The following TTC9 variants were observed in gnomAD, a reference collection of about 807,000 sequenced individuals.
TTC9 encodes the protein tetratricopeptide repeat domain 9, also known as tetratricopeptide repeat protein 9A.
In TTC9, 13 loss-of-function variants were observed where a neutral mutation model predicts 22.9. The ratio of observed to expected loss-of-function variants is 0.57; its 90% confidence interval spans 0.37 to 0.90. The LOEUF is 0.90. Among genes scored for constraint, TTC9 ranks in the 40% least tolerant of loss-of-function variants. The probability of loss-of-function intolerance (pLI) is 0.01; values close to 1 mark genes in which losing one functional copy is unlikely to be tolerated. For missense variants in TTC9, 280 were observed against 291.8 expected (o/e 0.96, Z 0.29); for synonymous variants, 148 against 133.2 (o/e 1.11, Z -0.77).
At chr14:70,665,349 C>G (rs1886199967) in intron 1 of TTC9, among the ~76,000 whole-genome samples, 1 of 152,142 alleles carries the variant, frequency 6.6e-6, no homozygotes. Context: ...TTTACAGAAA[C>G]CCCTCTCTCT....
chr14:70,644,587 G>A (rs1885876804), intron 1 of TTC9, among the ~76,000 whole-genome samples: 1 of 152,070 alleles, frequency 6.6e-6, no homozygotes, highest in Admixed American at 6.6e-5. Context: ...CATCCTCTGG[G>A]CCTCTGTCTC....
At chr14:70,666,611 T>C (rs1156685284) in intron 1 of TTC9, among the ~76,000 whole-genome samples, 1 of 152,160 alleles carries the variant, frequency 6.6e-6, no homozygotes, top group Non-Finnish European at 1.5e-5. Flanking sequence ...AACAACTAGA[T>C]TAGGAAGGAC....
At position 70,642,446 on chromosome 14, in the gene TTC9, C is replaced by T. The variant is rs769909175; in HGVS notation, c.317C>T (p.Pro106Leu). The T allele has an allele frequency of 2.6e-6, 4 of 1,560,428 alleles. No individual in the cohort carries two copies. Among genetic ancestry groups the T allele is most frequent in the Non-Finnish European group, 2.6e-6 (3 of 1,154,156 alleles). ...ERERDSRPAS[P>L]AGALKPGRLS... ...GAGCGGGACTCGCGCCCGGCCTCCC[C>T]GGCTGGGGCCCTGAAGCCCGGCCGC... The change falls in exon 1 of 3, where the codon CCG (proline) becomes CTG (leucine). Residue 106 changes from proline (P) to leucine (L), a missense_variant. This residue lies in a region of TTC9 where 165 missense variants were observed against 145.4 expected (regional missense o/e 1.14). Transcript: ENST00000256367.
At chr14:70,652,402 G>A (rs1415475457) in intron 1 of TTC9, among the ~76,000 whole-genome samples, 1 of 152,164 alleles carries the variant, frequency 6.6e-6, no homozygotes, top group Non-Finnish European at 1.5e-5. Flanking sequence ...AGGAATTGAA[G>A]CCTATGTAAA....
intron 1 of TTC9, among the ~76,000 whole-genome samples, chr14:70,646,066 G>A (rs970379071): frequency 2.6e-5 from 4 of 152,222 alleles, no homozygotes; most frequent in Non-Finnish European, 5.9e-5. Flanking sequence ...GATGACTTGA[G>A]GGGACGCATG....
intron 1 of TTC9, among the ~76,000 whole-genome samples, chr14:70,662,413 CAAAAA>C (rs57369399): frequency 2.4e-5 from 3 of 123,232 alleles, no homozygotes; most frequent in Non-Finnish European, 1.8e-5. Flanking sequence ...ATCTCTATGC[CAAAAA>C]AAAAAAAAAA....
chr14:70,671,553 C>T lies in TTC9; in HGVS notation c.*398C>T. The T allele has an allele frequency of 5.1e-6, 1 of 196,916 alleles. No homozygotes were observed. The allele number at this position is 196,916 out of a possible 1,614,324, so 12.2% of individuals were successfully genotyped here. On this transcript the variant is annotated 3_prime_UTR_variant, in exon 3 of 3. Coordinates refer to ENST00000256367, the MANE Select transcript of TTC9 (RefSeq NM_015351.2). ...CACACAGCCCATGGGCTGGATCCTT[C>T]CACACTTTCCTGACAGACCAGAACC...
intron 2 of TTC9, among the ~76,000 whole-genome samples, chr14:70,668,654 C>T (rs1194392380): frequency 6.7e-6 from 1 of 150,046 alleles, no homozygotes; most frequent in African/African-American, 2.5e-5. Context: ...AGTTCAAGAC[C>T]AGTCTGAGCA....
rs913721429 is a variant in TTC9 at position 70,667,752 on chromosome 14, G to A, written c.589+6G>A. 2.2e-5 allele frequency: 34 copies of A among 1,578,770 alleles called. No homozygotes were observed. Among genetic ancestry groups the A allele is most frequent in the Non-Finnish European group, 2.8e-5 (32 of 1,160,492 alleles). On this transcript the variant is annotated splice_donor_region_variant and intron_variant, in intron 2 of 2. Transcript: ENST00000256367. ...AAGGACCCAACAACCAACAGGTAAGGCGGAAATAGCTGTTTTCTTACTTCC... is the reference window on the plus strand; with the variant it reads ...AAGGACCCAACAACCAACAGGTAAGACGGAAATAGCTGTTTTCTTACTTCC...
intron 1 of TTC9, among the ~76,000 whole-genome samples, chr14:70,659,019 A>G (rs1222633839): frequency 6.6e-6 from 1 of 152,200 alleles, no homozygotes; most frequent in African/African-American, 2.4e-5. Context: ...AATTTTAAAA[A>G]TAGAGAACAG....
chr14:70,648,039 A>T (rs1325026785), intron 1 of TTC9, among the ~76,000 whole-genome samples: 2 of 152,214 alleles, frequency 1.3e-5, no homozygotes, highest in African/African-American at 4.8e-5. Flanking sequence ...AGTGGTGAAA[A>T]GGAGGTCAGG....
intron 1 of TTC9, among the ~76,000 whole-genome samples, chr14:70,657,647 A>G (rs1886085925): frequency 6.6e-6 from 1 of 152,164 alleles, no homozygotes; most frequent in Admixed American, 6.5e-5. Flanking sequence ...GGCAGGAGAA[A>G]TAGGTATTGG....
rs117228446 is a variant in TTC9 at position 70,661,054 on chromosome 14, C to G, written c.407-6510C>G. 6.6e-4 allele frequency among the ~76,000 whole-genome samples: 100 copies of G among 152,232 alleles called. No homozygotes were observed. The East Asian group carries it at 0.015, about 23-fold the overall frequency. Reference sequence around the variant, plus strand: ...ATTCTAGAGGCTAGAAGTGAAACATCAAGGTGTCGGCAGGGTTGGTTCCCT... The same window carrying G: ...ATTCTAGAGGCTAGAAGTGAAACATGAAGGTGTCGGCAGGGTTGGTTCCCT... On this transcript the variant is annotated intron_variant, in intron 1 of 2. Coordinates refer to ENST00000256367, the MANE Select transcript of TTC9 (RefSeq NM_015351.2).
chr14:70,642,608 C>G lies in TTC9; in HGVS notation c.406+73C>G. 3 of 1,384,760 alleles carry G rather than the reference C, an allele frequency of 2.2e-6. No homozygotes were observed. The South Asian group carries it at 4.2e-5, about 19-fold the overall frequency. 85.8% of individuals were successfully genotyped at this position (1,384,760 alleles called of 1,614,324 possible). A position where few individuals can be genotyped will look rare whatever the true frequency, so the allele number is the denominator to read the frequency against. Reference sequence around the variant, plus strand: ...GGTCCCTCCGCGGACCACTGCGGCGCTCCCGCGGTGCAGATTCTCCTGCTG... The same window carrying G: ...GGTCCCTCCGCGGACCACTGCGGCGGTCCCGCGGTGCAGATTCTCCTGCTG... On this transcript the variant is annotated intron_variant, in intron 1 of 2. Transcript: ENST00000256367.
At chr14:70,663,880 C>A (rs1401911372) in intron 1 of TTC9, among the ~76,000 whole-genome samples, 1 of 152,172 alleles carries the variant, frequency 6.6e-6, no homozygotes, top group Non-Finnish European at 1.5e-5. Context: ...TCAAATGCAT[C>A]CCCACAGACA....
intron 1 of TTC9, among the ~76,000 whole-genome samples, chr14:70,663,061 C>T (rs2139648447): frequency 6.6e-6 from 1 of 152,318 alleles, no homozygotes; most frequent in East Asian, 1.9e-4. Flanking sequence ...TCACCTGAGT[C>T]ACCATCACTT....
At chr14:70,671,044 G>A in intron 2 of TTC9, 32 bp from the exon 3 acceptor site, 1 of 1,597,034 alleles carries the variant, frequency 6.3e-7, no homozygotes, top group Non-Finnish European at 8.6e-7. Flanking sequence ...CCCTCACCTG[G>A]TGTTCCCTAA....
In TTC9 at chr14:70,641,919, C is replaced by CAAG. The variant is rs1885814304; in HGVS notation, c.-211_-210insAAG. The CAAG allele has an allele frequency of 5.5e-6, 1 of 182,516 alleles. No homozygotes were observed. The highest frequency in any genetic ancestry group is 1.0e-5 in the Non-Finnish European group (1 of 96,708). 11.3% of individuals were successfully genotyped at this position (182,516 alleles called of 1,614,324 possible). On this transcript the variant is annotated 5_prime_UTR_variant, in exon 1 of 3. Coordinates refer to ENST00000256367, the MANE Select transcript of TTC9 (RefSeq NM_015351.2). ...GGGAGGCGGGGGAGGGGCCGGCGTC[C>CAAG]GAGGCGGCGGCGGCGGCGGCTGGAG...
chr14:70,658,840 G>A (rs1886102065), intron 1 of TTC9, among the ~76,000 whole-genome samples: 1 of 152,140 alleles, frequency 6.6e-6, no homozygotes, highest in South Asian at 2.1e-4. Context: ...TAAACAAACT[G>A]TAGTACATCC....
Sources: allele counts gnomAD v4.1 joint callset (sites outside exome capture counted in the v4.1 genomes callset), GRCh38; gene constraint gnomAD v4.1.1; regional missense constraint gnomAD v4.1.1; transcripts MANE v1.5; gene names NCBI Gene and HGNC (gene_info 2026-07-23, HGNC 2026-07-21).